MDGA2: variants seen among roughly 807,000 people sequenced by gnomAD.
The protein encoded by MDGA2 is MAM domain-containing glycosylphosphatidylinositol anchor protein 2.
Under a neutral mutation model 117.8 loss-of-function variants are expected in MDGA2, and 40 were observed. The ratio of observed to expected loss-of-function variants is 0.34; its 90% CI spans 0.26 to 0.44. MDGA2 has a LOEUF of 0.44. Ranked by LOEUF, MDGA2 falls within the 20% of genes least tolerant of loss-of-function variation. The probability of loss-of-function intolerance (pLI) is 1.00; values close to 1 mark genes in which losing one functional copy is unlikely to be tolerated. For missense variants in MDGA2, 1,123 were observed against 1,250.6 expected (o/e 0.90, Z 1.54); for synonymous variants, 452 against 439.0 (o/e 1.03, Z -0.37).
chr14:47,671,178 G>A (rs560636786), intron 1 of MDGA2, among the ~76,000 whole-genome samples: 1 of 152,128 alleles, frequency 6.6e-6, no homozygotes, highest in Non-Finnish European at 1.5e-5. Flanking sequence ...ATCCAACTGT[G>A]ACACCATATA....
intron 3 of MDGA2, among the ~76,000 whole-genome samples, chr14:47,189,241 C>T (rs1413220944): frequency 1.3e-5 from 2 of 152,080 alleles, no homozygotes; most frequent in Non-Finnish European, 2.9e-5. Context: ...AATACCCATA[C>T]ATGCTCAGCC....
chr14:46,941,724 G>A (rs1205921507), intron 9 of MDGA2, among the ~76,000 whole-genome samples: 1 of 152,156 alleles, frequency 6.6e-6, no homozygotes, highest in African/African-American at 2.4e-5. Context: ...AATATACATA[G>A]ATGTGCTTTT....
chr14:47,321,962 C>G (rs931987982), intron 1 of MDGA2, among the ~76,000 whole-genome samples: 2 of 152,146 alleles, frequency 1.3e-5, no homozygotes, highest in African/African-American at 4.8e-5. Flanking sequence ...CTGTATAAAA[C>G]ATTCCACTTA....
chr14:47,581,575 C>T (rs1204233907), intron 1 of MDGA2, among the ~76,000 whole-genome samples: 3 of 151,944 alleles, frequency 2.0e-5, no homozygotes, highest in Non-Finnish European at 2.9e-5. Flanking sequence ...ATTTTGTTGT[C>T]CCATTGATTT....
At chr14:47,400,074 G>A (rs2068987) in intron 1 of MDGA2, among the ~76,000 whole-genome samples, 27,768 of 152,054 alleles carry the variant, frequency 0.18, 2,691 homozygotes, top group Admixed American at 0.26. Context: ...CTTGTTGACA[G>A]AGCAATCATA....
intron 1 of MDGA2, among the ~76,000 whole-genome samples, chr14:47,662,701 A>T (rs574184850): frequency 2.0e-5 from 3 of 152,320 alleles, no homozygotes; most frequent in East Asian, 3.9e-4. Context: ...GAGAGTAAGC[A>T]GACTCTGAGT....
intron 7 of MDGA2, among the ~76,000 whole-genome samples, chr14:47,056,244 A>C (rs189499410): frequency 1.2e-4 from 18 of 152,206 alleles, no homozygotes; most frequent in Admixed American, 1.1e-3. Flanking sequence ...CCTGTTTGTT[A>C]ACTATTCTTC....
chr14:46,887,931 T>A (rs1018001931), intron 10 of MDGA2, among the ~76,000 whole-genome samples: 6 of 151,878 alleles, frequency 4.0e-5, no homozygotes, highest in African/African-American at 1.4e-4. Context: ...TTAACATAAG[T>A]TTAAATAAGA....
chr14:47,468,664 T>C (rs1037166552), intron 1 of MDGA2, among the ~76,000 whole-genome samples: 4 of 10,690 alleles, frequency 3.7e-4, no homozygotes, highest in African/African-American at 9.7e-4. Context: ...CTTATGGTGT[T>C]TTTTTTTTGT....
Position 47,386,229 on chromosome 14 carries a change from C to T in MDGA2, c.281-84679G>A, listed in dbSNP as rs1265795544. Among the ~76,000 whole-genome samples, 4 of 151,922 alleles carry T rather than the reference C, an allele frequency of 2.6e-5. No individual in the cohort carries two copies. The South Asian group carries it at 8.3e-4, about 32-fold the overall frequency. On this transcript the variant is annotated intron_variant, in intron 1 of 16. Coordinates refer to ENST00000399232, the MANE Select transcript of MDGA2 (RefSeq NM_001113498.3). ...CACGGAGGCGGAAGTTGCAGTGAGC[C>T]GAGATCGCACCATGCACTCCAGTGT... is the stretch of plus-strand genomic sequence containing the variant.
chr14:47,094,764 T>C (rs1265615575), intron 6 of MDGA2, among the ~76,000 whole-genome samples: 1 of 150,096 alleles, frequency 6.7e-6, no homozygotes, highest in Admixed American at 6.7e-5. Context: ...GATTATTTTA[T>C]GCCTACTTAG....
At chr14:47,665,621 G>C (rs963962831) in intron 1 of MDGA2, among the ~76,000 whole-genome samples, 1 of 152,270 alleles carries the variant, frequency 6.6e-6, no homozygotes, top group African/African-American at 2.4e-5. Context: ...CCCTGCACTC[G>C]GAGCGGCCTG....
At chr14:46,964,409 C>T (rs1885933894) in intron 8 of MDGA2, among the ~76,000 whole-genome samples, 1 of 152,132 alleles carries the variant, frequency 6.6e-6, no homozygotes, top group Non-Finnish European at 1.5e-5. Context: ...GAGTCTGACA[C>T]TATGAGTGGA....
chr14:47,189,791 A>C (rs1232048815), intron 3 of MDGA2, among the ~76,000 whole-genome samples: 1 of 152,182 alleles, frequency 6.6e-6, no homozygotes, highest in Non-Finnish European at 1.5e-5. Context: ...TTAAAGAGGT[A>C]TTTAATCACT....
At chr14:47,619,361 C>A (rs1035917717) in intron 1 of MDGA2, among the ~76,000 whole-genome samples, 5 of 152,120 alleles carry the variant, frequency 3.3e-5, no homozygotes, top group African/African-American at 1.2e-4. Context: ...ATGAGGTGGG[C>A]TGCTAACAAA....
chr14:47,609,449 A>ATATATATATATATATATATG (rs1896804739), intron 1 of MDGA2, among the ~76,000 whole-genome samples: 1 of 98,914 alleles, frequency 1.0e-5, no homozygotes, highest in Non-Finnish European at 2.0e-5. Flanking sequence ...ATATATATAT[A>ATATATATATATATATATATG]TATATATATA....
chr14:46,961,256 T>C (rs1004970279), intron 8 of MDGA2, among the ~76,000 whole-genome samples: 2 of 152,202 alleles, frequency 1.3e-5, no homozygotes, highest in Non-Finnish European at 2.9e-5. Flanking sequence ...GTGTCTTTCA[T>C]CTGAGGTAAT....
rs769141873 is a variant in MDGA2 at position 47,061,280 on chromosome 14, G to A, written c.1494C>T (p.Ile498=). 3.1e-6 allele frequency: 5 copies of A among 1,613,072 alleles called. No individual in the cohort carries two copies. The highest frequency in any genetic ancestry group is 4.2e-6 in the Non-Finnish European group (5 of 1,179,446). The stretch of plus-strand genomic sequence containing the variant: ...TGCTGGATATATTAACATCGATACT[G>A]ATATCAGATATTCCTCCTCCCTTCA... ...ASLKGGGISD[I]SIDVNISSST... The change falls in exon 7 of 17, where the codon ATC becomes ATT. Residue 498 remains isoleucine (I), a synonymous_variant. Coordinates refer to ENST00000399232, the MANE Select transcript of MDGA2 (RefSeq NM_001113498.3).
At chr14:47,377,334 T>G (rs1891501290) in intron 1 of MDGA2, among the ~76,000 whole-genome samples, 2 of 152,140 alleles carry the variant, frequency 1.3e-5, no homozygotes, top group South Asian at 4.1e-4. Context: ...CATTGCTAAC[T>G]GAGGTACCGG....
Sources: allele counts gnomAD v4.1 joint callset (sites outside exome capture counted in the v4.1 genomes callset), GRCh38; gene constraint gnomAD v4.1.1; transcripts MANE v1.5; gene names NCBI Gene and HGNC (gene_info 2026-07-23, HGNC 2026-07-21).